The following CRHR2 variants were observed in gnomAD, a reference collection of about 807,000 sequenced individuals.
CRHR2 encodes corticotropin-releasing hormone receptor 2.
A neutral mutation model predicts 57.9 loss-of-function variants in CRHR2; 53 were observed. That is an observed-to-expected ratio of 0.92 (90% CI 0.73 to 1.15). The LOEUF is 1.15. Ranked by LOEUF, CRHR2 falls within the 50% of genes most tolerant of loss-of-function variation. The pLI is 0.00. For synonymous variants in CRHR2, 213 were observed against 220.9 expected, an observed-to-expected ratio of 0.96 and a Z score of 0.32; for missense variants, 532 against 542.6, an observed-to-expected ratio of 0.98 and a Z score of 0.19.
At chr7:30,657,638 A>C (rs1248821359) in intron 8 of CRHR2, among the ~76,000 whole-genome samples, 1 of 152,222 alleles carries the variant, frequency 6.6e-6, no homozygotes, top group South Asian at 2.1e-4. Flanking sequence ...TCTTGAATTC[A>C]ATATTAATCT....
intron 2 of CRHR2, 98 bp from the exon 3 acceptor site, chr7:30,667,411 G>A: frequency 1.1e-6 from 1 of 906,632 alleles, no homozygotes; most frequent in South Asian, 1.4e-5. Context: ...ACGCACCTCA[G>A]CTCTCCTAGG....
At chr7:30,667,533 C>T (rs891927271) in intron 2 of CRHR2, among the ~76,000 whole-genome samples, 1 of 152,190 alleles carries the variant, frequency 6.6e-6, no homozygotes, top group African/African-American at 2.4e-5. Flanking sequence ...CCATTTTAGA[C>T]ACAATCTTTG....
At chr7:30,687,099 A>G (rs1181063958), upstream of CRHR2, among the ~76,000 whole-genome samples, 1 of 151,978 alleles carries the variant, frequency 6.6e-6, no homozygotes, top group Non-Finnish European at 1.5e-5. Context: ...CAGTTTTCTC[A>G]CAGGTATGTA....
chr7:30,685,060 G>C (rs1228248501), upstream of CRHR2, among the ~76,000 whole-genome samples: 4 of 152,206 alleles, frequency 2.6e-5, no homozygotes, highest in Admixed American at 2.6e-4. Context: ...GTTGGGGACA[G>C]GTTGGCAAAT....
rs1272031033 is a variant in CRHR2 at position 30,699,916 on chromosome 7, C to T, written c.-261+28G>A. The T allele has an allele frequency of 9.4e-6, 14 of 1,494,864 alleles. No individual in the cohort carries two copies. In the South Asian group the frequency reaches 1.5e-4, roughly 16 times the overall value. 92.6% of individuals were successfully genotyped at this position (1,494,864 alleles called of 1,614,324 possible). A position where few individuals can be genotyped will look rare whatever the true frequency, so the allele number is the denominator to read the frequency against. On this transcript the variant is annotated intron_variant, in intron 1 of 13. Coordinates refer to the CRHR2 transcript ENST00000341843. Reference sequence around the variant, plus strand: ...GAGCTCCGTGCTCCTGGCGCCCCACCTCGTGGACTCCCACTCCCTGCACTT... The same window carrying T: ...GAGCTCCGTGCTCCTGGCGCCCCACTTCGTGGACTCCCACTCCCTGCACTT...
intron 8 of CRHR2, among the ~76,000 whole-genome samples, chr7:30,658,590 C>T (rs1783877397): frequency 6.6e-6 from 1 of 152,194 alleles, no homozygotes. Flanking sequence ...TTTGACTGTT[C>T]CAATTTGCAG....
chr7:30,658,443 G>A (rs1783871814), intron 8 of CRHR2, among the ~76,000 whole-genome samples: 2 of 152,176 alleles, frequency 1.3e-5, no homozygotes, highest in Non-Finnish European at 2.9e-5. Context: ...GGCCTGGAGG[G>A]GTTGGGGGTG....
chr7:30,660,264 C>G (rs534962462), intron 8 of CRHR2, among the ~76,000 whole-genome samples: 5 of 152,250 alleles, frequency 3.3e-5, no homozygotes, highest in Non-Finnish European at 5.9e-5. Context: ...GCTCACCTGG[C>G]TTTCTCAGCA....
chr7:30,662,336 A>C, intron 6 of CRHR2, 120 bp from the exon 7 acceptor site: 1 of 1,160,912 alleles, frequency 8.6e-7, no homozygotes, highest in Non-Finnish European at 1.3e-6. Context: ...ACAGCAGGCC[A>C]CCCACAACCC....
chr7:30,664,507 C>T (rs1784114699), intron 5 of CRHR2, among the ~76,000 whole-genome samples: 1 of 152,186 alleles, frequency 6.6e-6, no homozygotes, highest in African/African-American at 2.4e-5. Context: ...TTAGTTCTAG[C>T]TTCCTTTTCT....
chr7:30,670,675 G>A (rs1470920760), intron 2 of CRHR2, among the ~76,000 whole-genome samples: 2 of 152,260 alleles, frequency 1.3e-5, no homozygotes, highest in East Asian at 3.8e-4. Flanking sequence ...CCTCGGACAG[G>A]AGGGAGTAAG....
At chr7:30,662,892 A>T in intron 5 of CRHR2, 45 bp from the exon 6 acceptor site, 1 of 1,603,568 alleles carries the variant, frequency 6.2e-7, no homozygotes, top group Non-Finnish European at 8.5e-7. Flanking sequence ...CTTGGGGCCC[A>T]GGTAGGACAT....
intron 2 of CRHR2, among the ~76,000 whole-genome samples, chr7:30,681,483 A>G (rs1784702938): frequency 6.6e-6 from 1 of 152,050 alleles, no homozygotes; most frequent in South Asian, 2.1e-4. Flanking sequence ...GGGTCTGGTC[A>G]CTGCACTCAC....
upstream of CRHR2, among the ~76,000 whole-genome samples, chr7:30,684,747 T>C (rs1213827365): frequency 6.6e-6 from 1 of 152,084 alleles, no homozygotes; most frequent in Non-Finnish European, 1.5e-5. Flanking sequence ...TCATTCGAGA[T>C]GTGACAGAGG....
intron 1 of CRHR2, among the ~76,000 whole-genome samples, chr7:30,695,612 C>T (rs1584146460): frequency 1.3e-5 from 2 of 152,138 alleles, no homozygotes; most frequent in East Asian, 1.9e-4. Flanking sequence ...CAGGAGGTCC[C>T]GTAGCAGGCC....
chr7:30,655,595 G>A lies in CRHR2; in HGVS notation c.1038C>T (p.Phe346=). ...CAGGCCCCACCTGGAACGACTGCAG[G>A]AAGGAGTTGAAATAGATGAACATGA... ...SQIMFIYFNS[F]LQSFQGFFVS... Residue 346 remains phenylalanine (F), a synonymous_variant, in exon 10 of 12, where the codon TTC becomes TTT. Transcript: ENST00000471646. The A allele has an allele frequency of 6.2e-7, 1 of 1,613,644 alleles. No homozygotes were observed. The highest frequency in any genetic ancestry group is 8.5e-7 in the Non-Finnish European group (1 of 1,179,720).
chr7:30,654,742 A>G (rs1783711926), intron 11 of CRHR2: 7 of 1,536,064 alleles, frequency 4.6e-6, no homozygotes, highest in Non-Finnish European at 6.1e-6. Flanking sequence ...TCCTTCTGTC[A>G]CCACCTCTGC....
chr7:30,699,949 G>A, exon 1 of CRHR2: 3 of 1,506,454 alleles, frequency 2.0e-6, no homozygotes, highest in Non-Finnish European at 2.7e-6. Context: ...CTTACGTATT[G>A]GAGCGGCGGT....
At chr7:30,681,521 C>CTTA (rs1237356387) in intron 2 of CRHR2, among the ~76,000 whole-genome samples, 1 of 152,212 alleles carries the variant, frequency 6.6e-6, no homozygotes, top group African/African-American at 2.4e-5. Context: ...TTAGCATATC[C>CTTA]GCCCTCCTGG....
Sources: gnomAD v4.1 joint callset for allele counts (sites outside exome capture counted in the v4.1 genomes callset) on GRCh38, gnomAD v4.1.1 for gene constraint, MANE v1.5 for transcripts, NCBI Gene and HGNC (gene_info 2026-07-23, HGNC 2026-07-21) for gene names.